TACC2: variants seen among roughly 807,000 people sequenced by gnomAD.
TACC2 encodes the protein transforming acidic coiled-coil-containing protein 2.
Under a neutral mutation model 227.3 loss-of-function variants are expected in TACC2, and 137 were observed. The ratio of observed to expected loss-of-function variants is 0.60; its 90% CI spans 0.52 to 0.69. TACC2 has a LOEUF of 0.69. TACC2 is among the 30% of genes least tolerant of loss of function. The pLI, the probability that TACC2 is intolerant of heterozygous loss-of-function variation, is 0.00. For synonymous variants in TACC2, 1,523 were observed against 1,487.5 expected, an observed-to-expected ratio of 1.02 and a Z score of -0.55; for missense variants, 3,470 against 3,694.4, an observed-to-expected ratio of 0.94 and a Z score of 1.57.
chr10:122,182,364 G>A (rs960837168), intron 7 of TACC2, among the ~76,000 whole-genome samples: 1 of 152,234 alleles, frequency 6.6e-6, no homozygotes, highest in African/African-American at 2.4e-5. Context: ...ATCCATGGCA[G>A]GGAGGGTGTG....
At chr10:122,002,208 A>C (rs1160248189) in intron 1 of TACC2, among the ~76,000 whole-genome samples, 1 of 152,190 alleles carries the variant, frequency 6.6e-6, no homozygotes. Flanking sequence ...AATCTCATTC[A>C]TGAAGATGGA....
Position 122,084,378 on chromosome 10 carries a change from C to G in TACC2, c.1878C>G (p.Asp626Glu), listed in dbSNP as rs1484746783. The change falls in exon 4 of 23, where the codon GAC becomes GAG. Residue 626 changes from aspartate (D) to glutamate (E), a missense_variant. Asp to Glu is a conservative substitution (Grantham distance 45, BLOSUM62 2). Around this residue, in one of 10 missense-constraint regions of TACC2, gnomAD observed 1,924 missense variants for 1,978.3 expected, o/e 0.97. Coordinates refer to ENST00000369005, the MANE Select transcript of TACC2 (RefSeq NM_206862.4). ...CAAGCAGTGATGCAGAGAGCAGAGA[C>G]CATCCCAGCTCACACTCAGCACAGC... is the stretch of plus-strand genomic sequence containing the variant. ...SKPSSDAESR[D>E]HPSSHSAQPP... is the part of the protein sequence containing the mutation. The G allele has an allele frequency of 1.2e-6, 2 of 1,613,272 alleles. No individual in the cohort carries two copies. Among genetic ancestry groups the G allele is most frequent in the Non-Finnish European group, 1.7e-6 (2 of 1,180,034 alleles).
intron 8 of TACC2, among the ~76,000 whole-genome samples, chr10:122,197,170 A>G (rs2094601042): frequency 6.6e-6 from 1 of 151,986 alleles, no homozygotes; most frequent in South Asian, 2.1e-4. Flanking sequence ...CTGAGGCAGG[A>G]GAATCGCTTG....
chr10:122,001,913 A>G (rs1239875079), intron 1 of TACC2, among the ~76,000 whole-genome samples: 1 of 152,190 alleles, frequency 6.6e-6, no homozygotes, highest in African/African-American at 2.4e-5. Flanking sequence ...TGCTAATTCC[A>G]AGCTCTGAGT....
chr10:122,208,907 A>G (rs1442349546), intron 8 of TACC2, among the ~76,000 whole-genome samples: 1 of 152,198 alleles, frequency 6.6e-6, no homozygotes, highest in Non-Finnish European at 1.5e-5. Flanking sequence ...GTTTTCTGGC[A>G]TCCTTGACTG....
chr10:122,181,912 G>A (rs146728347), intron 7 of TACC2, among the ~76,000 whole-genome samples: 2 of 152,286 alleles, frequency 1.3e-5, no homozygotes, highest in East Asian at 3.9e-4. Flanking sequence ...TTAGAAGAAA[G>A]GAACAAAAGA....
At chr10:122,112,612 C>T (rs7084822) in intron 5 of TACC2, among the ~76,000 whole-genome samples, 113,696 of 152,202 alleles carry the variant, frequency 0.75, 44,799 homozygotes, top group East Asian at 0.93. Flanking sequence ...AGGCGGGCAA[C>T]GGCCCCGCAG....
intron 5 of TACC2, among the ~76,000 whole-genome samples, chr10:122,093,114 A>C (rs2081014639): frequency 7.1e-6 from 1 of 141,198 alleles, no homozygotes; most frequent in Non-Finnish European, 1.5e-5. Context: ...TTTTTTTTCC[A>C]TTTAGGGAAA....
At chr10:122,075,364 C>A (rs534279721) in intron 3 of TACC2, among the ~76,000 whole-genome samples, 1 of 152,000 alleles carries the variant, frequency 6.6e-6, no homozygotes, top group Non-Finnish European at 1.5e-5. Flanking sequence ...CCAGGGAGCT[C>A]GTCACGTGGC....
intron 8 of TACC2, among the ~76,000 whole-genome samples, chr10:122,206,805 T>C (rs549700687): frequency 6.6e-6 from 1 of 152,276 alleles, no homozygotes; most frequent in South Asian, 2.1e-4. Flanking sequence ...AGTGGAGACA[T>C]GAGGTGGAGG....
At chr10:122,252,751 C>T (rs1240357797) in intron 22 of TACC2, among the ~76,000 whole-genome samples, 4 of 152,172 alleles carry the variant, frequency 2.6e-5, no homozygotes, top group Non-Finnish European at 5.9e-5. Context: ...CCTCGGCCTC[C>T]CAAAGTGCTG....
chr10:122,201,684 G>A (rs2094859233), intron 8 of TACC2, among the ~76,000 whole-genome samples: 1 of 152,262 alleles, frequency 6.6e-6, no homozygotes, highest in Non-Finnish European at 1.5e-5. Flanking sequence ...TGGATCCTGG[G>A]ATGCTCGGGG....
At chr10:122,176,012 T>A (rs1169187189) in intron 7 of TACC2, among the ~76,000 whole-genome samples, 1 of 150,982 alleles carries the variant, frequency 6.6e-6, no homozygotes, top group East Asian at 2.0e-4. Flanking sequence ...ACCCAGGAGT[T>A]GAGGCTGCAG....
intron 2 of TACC2, among the ~76,000 whole-genome samples, chr10:122,031,680 G>A (rs1386031790): frequency 6.6e-6 from 1 of 151,804 alleles, no homozygotes; most frequent in Non-Finnish European, 1.5e-5. Context: ...TGGGATTACA[G>A]GCGTGAGCCA....
intron 1 of TACC2, among the ~76,000 whole-genome samples, chr10:122,002,627 T>C (rs748896757): frequency 3.3e-5 from 5 of 152,208 alleles, no homozygotes; most frequent in Non-Finnish European, 7.3e-5. Context: ...TGTTGTGTTA[T>C]GGTTCCTTAG....
At chr10:122,186,669 T>C (rs2094204991) in intron 7 of TACC2, among the ~76,000 whole-genome samples, 1 of 152,096 alleles carries the variant, frequency 6.6e-6, no homozygotes, top group Non-Finnish European at 1.5e-5. Context: ...CCCGCCACCA[T>C]ACCTGGCTAA....
intron 1 of TACC2, among the ~76,000 whole-genome samples, chr10:121,992,726 G>A (rs2134854618): frequency 6.6e-6 from 1 of 152,268 alleles, no homozygotes; most frequent in South Asian, 2.1e-4. Context: ...AGGCCAAGGA[G>A]GGTGGATTGC....
intron 13 of TACC2, 122 bp downstream of exon 13, chr10:122,226,603 T>TG: frequency 2.3e-5 from 14 of 614,990 alleles, no homozygotes; most frequent in South Asian, 2.3e-4. Context: ...ACATGCCACA[T>TG]ATTTTTTTTT....
rs1198261610 is a variant in TACC2, at chr10:122,215,240, G to C, written c.7284-151G>C. ...TAAAAAGTGAGAGTGGGTAGCCGGC[G>C]TGGCCTCTCGCTGGTGCTGGAGTGA... On this transcript the variant is annotated intron_variant, in intron 9 of 22. Transcript: ENST00000369005. 7 of 643,598 alleles carry C rather than the reference G, an allele frequency of 1.1e-5. No individual in the cohort carries two copies. The South Asian group carries it at 1.4e-4, about 13-fold the overall frequency. 39.9% of individuals were successfully genotyped at this position (643,598 alleles called of 1,614,324 possible). A position where few individuals can be genotyped will look rare whatever the true frequency, so the allele number is the denominator to read the frequency against.
Sources: allele counts gnomAD v4.1 joint callset (sites outside exome capture counted in the v4.1 genomes callset), GRCh38; gene constraint gnomAD v4.1.1; regional missense constraint gnomAD v4.1.1; transcripts MANE v1.5; gene names NCBI Gene and HGNC (gene_info 2026-07-23, HGNC 2026-07-21).